Variants in PTRHD1 observed in about 807,000 individuals in gnomAD.
The protein encoded by PTRHD1 is putative peptidyl-tRNA hydrolase PTRHD1.
PTRHD1 carries 12 observed loss-of-function variants against 13.6 expected under a neutral mutation model. That is an observed-to-expected ratio of 0.88 (90% CI 0.57 to 1.43). The LOEUF is 1.43. Among genes scored for constraint, PTRHD1 ranks in the 40% most tolerant of loss-of-function variants. The pLI is 0.00. For synonymous variants in PTRHD1, 86 were observed against 79.5 expected (o/e 1.08, Z -0.43); for missense variants, 203 against 184.7 (o/e 1.10, Z -0.57).
Position 24,793,236 on chromosome 2 carries a change from C to T in PTRHD1, c.142G>A (p.Val48Ile). The change falls in exon 1 of 2, where the codon GTA (valine) becomes ATA (isoleucine). Residue 48 changes from valine (V) to isoleucine (I), a missense_variant. Val to Ile is a conservative substitution (Grantham distance 29, BLOSUM62 3). Coordinates refer to ENST00000328379, the MANE Select transcript of PTRHD1 (RefSeq NM_001013663.2). Reference protein sequence around the residue: ...APFSWPAGALVAQACHAATAA... With the variant: ...APFSWPAGALIAQACHAATAA... ...GTGGCCGCGTGACAAGCCTGCGCTA[C>T]CAGTGCGCCCGCCGGCCAGGAGAAC... The T allele has an allele frequency of 6.2e-7, 1 of 1,613,540 alleles. No homozygotes were observed. Among genetic ancestry groups the T allele is most frequent in the Non-Finnish European group, 8.5e-7 (1 of 1,180,024 alleles).
At position 24,790,654 on chromosome 2, in the gene PTRHD1, G is replaced by C. The variant is rs12471620; in HGVS notation, c.253-73C>G. The C allele has an allele frequency of 0.49, 707,843 of 1,445,678 alleles. 177,082 individuals are homozygous for C. The highest frequency in any genetic ancestry group is 0.62 in the Admixed American group (27,963 of 45,134). 89.6% of individuals were successfully genotyped at this position (1,445,678 alleles called of 1,614,324 possible). A position where few individuals can be genotyped will look rare whatever the true frequency, so the allele number is the denominator to read the frequency against. On this transcript the variant is annotated intron_variant, in intron 1 of 1. Coordinates refer to ENST00000328379, the MANE Select transcript of PTRHD1 (RefSeq NM_001013663.2). ...GTGTCAAAAGGCCAAAAAAGGTTTC[G>C]GGAGTCCTCTTGCCTGAAAGTGGAG...
In PTRHD1 at chr2:24,790,470, G is replaced by A. The variant is rs753386543; in HGVS notation, c.364C>T (p.Arg122Trp). 4 of 1,614,052 alleles carry A rather than the reference G, an allele frequency of 2.5e-6. No individual in the cohort carries two copies. The highest frequency in any genetic ancestry group is 4.5e-5 in the East Asian group (2 of 44,898). ...PENIATCIALRPYPKEEVGQY... is the reference protein window; with the variant it reads ...PENIATCIALWPYPKEEVGQY... ...CCCACTTCTTCCTTGGGGTAGGGCC[G>A]GAGAGCAATACAAGTGGCGATATTC... Residue 122 changes from arginine (R) to tryptophan (W), a missense_variant, in exon 2 of 2, where the codon CGG (arginine) becomes TGG (tryptophan). Transcript: ENST00000328379.
intron 1 of PTRHD1, chr2:24,791,425 C>T (rs1159334201): frequency 3.9e-5 from 6 of 152,152 alleles, no homozygotes; most frequent in Non-Finnish European, 8.8e-5. Context: ...ATGCTGAATC[C>T]CATTCCAGGA....
At chr2:24,790,986 C>T (rs1218526311) in intron 1 of PTRHD1, among the ~76,000 whole-genome samples, 1 of 151,164 alleles carries the variant, frequency 6.6e-6, no homozygotes, top group Non-Finnish European at 1.5e-5. Context: ...TGCAGTGGCA[C>T]GATTATCAGC....
At chr2:24,791,812 T>C (rs919497358) in intron 1 of PTRHD1, among the ~76,000 whole-genome samples, 1 of 152,236 alleles carries the variant, frequency 6.6e-6, no homozygotes, top group African/African-American at 2.4e-5. Context: ...GGCTTGGACC[T>C]GTGCCTGGCA....
chr2:24,793,025 C>G (rs894772230), intron 1 of PTRHD1, 101 bp downstream of exon 1: 7 of 1,385,682 alleles, frequency 5.1e-6, no homozygotes, highest in Non-Finnish European at 6.8e-6. Context: ...CACCCCAACT[C>G]CCGCCGCACC....
rs749950003 is a variant in PTRHD1, at chr2:24,790,488, C to T, written c.346G>A (p.Ala116Thr). Residue 116 changes from alanine to threonine, a missense_variant, in exon 2 of 2, where the codon GCC becomes ACC. Physicochemically the swap from Ala to Thr is moderately conservative, Grantham distance 58. Transcript: ENST00000328379. ...TAGGGCCGGAGAGCAATACAAGTGG[C>T]GATATTCTCTGGTTGCTCAAGCCAC... ...MLWLEQPENIATCIALRPYPK... is the reference protein window; with the variant it reads ...MLWLEQPENITTCIALRPYPK... 14 of 1,614,008 alleles carry T rather than the reference C, an allele frequency of 8.7e-6. No individual in the cohort carries two copies. The highest frequency in any genetic ancestry group is 1.2e-5 in the Non-Finnish European group (14 of 1,180,022).
chr2:24,793,172 G>C lies in PTRHD1; in HGVS notation c.206C>G (p.Ala69Gly). The C allele has an allele frequency of 6.2e-7, 1 of 1,613,492 alleles. No homozygotes were observed. Among genetic ancestry groups the C allele is most frequent in the Non-Finnish European group, 8.5e-7 (1 of 1,179,908 alleles). The change falls in exon 1 of 2, where the codon GCC becomes GGC. Residue 69 changes from alanine (A) to glycine (G), a missense_variant. Physicochemically the swap from Ala to Gly is moderately conservative, Grantham distance 60 (BLOSUM62 0). Coordinates refer to ENST00000328379, the MANE Select transcript of PTRHD1 (RefSeq NM_001013663.2). ...GCGCCCCAGCTCTTGGAGGTAAGCGGCTGTGTGCGGGTGGTCGCGGTGAGT... is the reference window on the plus strand; with the variant it reads ...GCGCCCCAGCTCTTGGAGGTAAGCGCCTGTGTGCGGGTGGTCGCGGTGAGT... ...LHTHRDHPHT[A>G]AYLQELGRMR...
In PTRHD1 at chr2:24,793,127, T is replaced by C. The variant is rs368281716; in HGVS notation, c.251A>G (p.Glu84Gly). 2.2e-5 allele frequency: 36 copies of C among 1,611,218 alleles called. No individual in the cohort carries two copies. The highest frequency in any genetic ancestry group is 3.0e-5 in the Non-Finnish European group (35 of 1,178,650). Reference sequence around the variant, plus strand: ...TCCCCCTCCGCCCGAGTGCCTCACCTCGAGGACCACTTTGCGCATGCGCCC... The same window carrying C: ...TCCCCCTCCGCCCGAGTGCCTCACCCCGAGGACCACTTTGCGCATGCGCCC... The part of the protein sequence containing the change: ...ELGRMRKVVL[E>G]APDETTLKEL... The change falls in exon 1 of 2, where the codon GAG (glutamate) becomes GGG (glycine). Residue 84 changes from glutamate (E) to glycine (G), a missense_variant and splice_region_variant. Glu to Gly is a moderately conservative substitution (Grantham distance 98). Coordinates refer to ENST00000328379, the MANE Select transcript of PTRHD1 (RefSeq NM_001013663.2).
chr2:24,791,963 A>T (rs1163094275), intron 1 of PTRHD1, among the ~76,000 whole-genome samples: 1 of 152,190 alleles, frequency 6.6e-6, no homozygotes, highest in Non-Finnish European at 1.5e-5. Context: ...ACTAAGAATC[A>T]TGAGACCCTC....
In PTRHD1 at chr2:24,790,156, T is replaced by C. The variant is rs538747151; in HGVS notation, c.*255A>G. On this transcript the variant is annotated 3_prime_UTR_variant, in exon 2 of 2. Transcript: ENST00000328379. ...CAAACCCGAGTGACTGGAAGGGAGT[T>C]TCCTTGAGCCCCACAGGAGAGTCTA... is the stretch of plus-strand genomic sequence containing the variant. 4 of 358,240 alleles carry C rather than the reference T, an allele frequency of 1.1e-5. No individual in the cohort carries two copies. The South Asian group carries it at 2.4e-4, about 21-fold the overall frequency. 22.2% of individuals were successfully genotyped at this position (358,240 alleles called of 1,614,324 possible).
intron 1 of PTRHD1, 127 bp from the exon 2 acceptor site, chr2:24,790,708 G>A: frequency 2.6e-6 from 2 of 759,830 alleles, no homozygotes; most frequent in Non-Finnish European, 2.1e-6. Flanking sequence ...GGGAGCTGCA[G>A]AGCAATGATG....
Position 24,790,560 on chromosome 2 carries a change from T to G in PTRHD1, c.274A>C (p.Lys92Gln). Residue 92 changes from lysine (K) to glutamine (Q), a missense_variant, in exon 2 of 2, where the codon AAG becomes CAG. Lys to Gln is a moderately conservative substitution (Grantham distance 53). Coordinates refer to ENST00000328379, the MANE Select transcript of PTRHD1 (RefSeq NM_001013663.2). ...TGTTGCAGGGTCTCGGCCAGCTCCT[T>G]TAGGGTGGTCTCATCTGGGGCCTAA... ...VLEAPDETTLKELAETLQQKN... is the reference protein window; with the variant it reads ...VLEAPDETTLQELAETLQQKN... The G allele has an allele frequency of 6.2e-7, 1 of 1,614,006 alleles. No individual in the cohort carries two copies. The highest frequency in any genetic ancestry group is 1.3e-5 in the African/African-American group (1 of 75,006).
rs773026208 is a variant in PTRHD1, at chr2:24,793,223, CA to C, written c.154del (p.Cys52ValfsTer40). ...WPAGALVAQA[C>X]HAATAALHTH... ...GTGCAAGGCCGCGGTGGCCGCGTGA[CA>C]AGCCTGCGCTACCAGTGCGCCCGCC... is the stretch of plus-strand genomic sequence containing the variant. On this transcript the variant is annotated frameshift_variant, in exon 1 of 2. Coordinates refer to ENST00000328379, the MANE Select transcript of PTRHD1 (RefSeq NM_001013663.2). LOFTEE classifies it high-confidence loss of function. 30 of 1,613,330 alleles carry C rather than the reference CA, an allele frequency of 1.9e-5. No homozygotes were observed. Among genetic ancestry groups the C allele is most frequent in the Non-Finnish European group, 2.5e-5 (29 of 1,180,026 alleles).
chr2:24,792,861 G>A, intron 1 of PTRHD1: 3 of 550,892 alleles, frequency 5.4e-6, no homozygotes, highest in Non-Finnish European at 6.5e-6. Flanking sequence ...TTAAAAAGTC[G>A]GCCAGTGCAC....
chr2:24,790,679 G>GT (rs1239766981), intron 1 of PTRHD1, 98 bp from the exon 2 acceptor site: 2 of 1,100,314 alleles, frequency 1.8e-6, no homozygotes, highest in East Asian at 5.0e-5. Flanking sequence ...TGAAAGTGGA[G>GT]TAACAGCTTT....
At chr2:24,791,696 A>G (rs141918402) in intron 1 of PTRHD1, 158 of 152,336 alleles carry the variant, frequency 1.0e-3, no homozygotes, top group African/African-American at 3.7e-3. Context: ...CTGGACTCCA[A>G]ACTCTTGCTG....
rs1456783570 is a variant in PTRHD1, at chr2:24,790,664, T to C, written c.253-83A>G. On this transcript the variant is annotated intron_variant, in intron 1 of 1. Transcript: ENST00000328379. ...GCCAAAAAAGGTTTCGGGAGTCCTC[T>C]TGCCTGAAAGTGGAGTAACAGCTTT... The C allele has an allele frequency of 6.1e-5, 80 of 1,312,382 alleles. 1 individual carries two copies. Among genetic ancestry groups the C allele is most frequent in the Non-Finnish European group, 7.8e-5 (75 of 959,458 alleles). The allele number at this position is 1,312,382 out of a possible 1,614,324, so 81.3% of individuals were successfully genotyped here. A position where few individuals can be genotyped will look rare whatever the true frequency, so the allele number is the denominator to read the frequency against.
Position 24,793,153 on chromosome 2 carries a change from C to A in PTRHD1, c.225G>T (p.Leu75=), listed in dbSNP as rs750588542. The change falls in exon 1 of 2, where the codon CTG becomes CTT. Residue 75 remains leucine, a synonymous_variant. Coordinates refer to ENST00000328379, the MANE Select transcript of PTRHD1 (RefSeq NM_001013663.2). ...HPHTAAYLQE[L]GRMRKVVLEA... is the part of the protein sequence containing the mutation. ...CGAGGACCACTTTGCGCATGCGCCC[C>A]AGCTCTTGGAGGTAAGCGGCTGTGT... is the stretch of plus-strand genomic sequence containing the variant. 1.2e-6 allele frequency: 2 copies of A among 1,613,192 alleles called. No individual in the cohort carries two copies. Among genetic ancestry groups the A allele is most frequent in the Non-Finnish European group, 1.7e-6 (2 of 1,179,788 alleles).
Sources: gnomAD v4.1 joint callset for allele counts (sites outside exome capture counted in the v4.1 genomes callset) on GRCh38, gnomAD v4.1.1 for gene constraint, MANE v1.5 for transcripts, NCBI Gene and HGNC (gene_info 2026-07-23, HGNC 2026-07-21) for gene names.